The following B4GALNT1 variants were observed in gnomAD, a reference collection of about 807,000 sequenced individuals.
The protein encoded by B4GALNT1 is beta-1,4 N-acetylgalactosaminyltransferase 1.
B4GALNT1 carries 43 observed loss-of-function variants against 55.2 expected under a neutral mutation model. The ratio of observed to expected loss-of-function variants is 0.78; its 90% CI spans 0.61 to 1.00. B4GALNT1 has a LOEUF of 1.00. Among genes scored for constraint, B4GALNT1 ranks in the 50% least tolerant of loss-of-function variants. The pLI is 0.00. For synonymous variants in B4GALNT1, 305 were observed against 311.6 expected (o/e 0.98, Z 0.22); for missense variants, 664 against 729.7 (o/e 0.91, Z 1.04).
Position 57,627,696 on chromosome 12 carries a change from C to A in B4GALNT1, c.1306G>T (p.Val436Phe). 1.2e-6 allele frequency: 2 copies of A among 1,612,346 alleles called. No homozygotes were observed. The highest frequency in any genetic ancestry group is 1.7e-6 in the Non-Finnish European group (2 of 1,179,068). ...FPGCVVTDGV[V>F]NFFLARTDKV... ...TCAGTCCGCGCCAGGAAGAAGTTAACCACGCCGTCGGTGACCACGCAGCCT... is the reference window on the plus strand; with the variant it reads ...TCAGTCCGCGCCAGGAAGAAGTTAAACACGCCGTCGGTGACCACGCAGCCT... The change falls in exon 10 of 11, where the codon GTT becomes TTT. Residue 436 changes from valine to phenylalanine, a missense_variant. Coordinates refer to ENST00000341156, the MANE Select transcript of B4GALNT1 (RefSeq NM_001478.5).
chr12:57,628,935 C>A (rs1885025643), intron 7 of B4GALNT1, 32 bp from the exon 8 acceptor site: 2 of 1,613,332 alleles, frequency 1.2e-6, no homozygotes, highest in Non-Finnish European at 8.5e-7. Context: ...TGGGTGCAGA[C>A]AAGGAGGGTT....
At position 57,630,273 on chromosome 12, in the gene B4GALNT1, A is replaced by C. The variant is rs946094090; in HGVS notation, c.591T>G (p.Thr197=). ...GATCTGCCTGACCCTCTCCAGTGAG[A>C]GTAACTCCAGTCACTTCCCCTGCCA... is the stretch of plus-strand genomic sequence containing the variant. ...WDVAGEVTGV[T]LTGEGQADLT... is the part of the protein sequence containing the mutation. The change falls in exon 6 of 11, where the codon ACT becomes ACG. Residue 197 remains threonine, a synonymous_variant. Transcript: ENST00000341156. 2 of 1,614,170 alleles carry C rather than the reference A, an allele frequency of 1.2e-6. No individual in the cohort carries two copies. Among genetic ancestry groups the C allele is most frequent in the Admixed American group, 3.3e-5 (2 of 60,014 alleles).
At position 57,629,120 on chromosome 12, in the gene B4GALNT1, C is replaced by T; in HGVS notation, c.739G>A (p.Ala247Thr). 1 of 1,597,008 alleles carries T rather than the reference C, an allele frequency of 6.3e-7. No individual in the cohort carries two copies. Residue 247 changes from alanine (A) to threonine (T), a missense_variant, in exon 7 of 11, where the codon GCT (alanine) becomes ACT (threonine). Physicochemically the swap from Ala to Thr is moderately conservative, Grantham distance 58. Coordinates refer to ENST00000341156, the MANE Select transcript of B4GALNT1 (RefSeq NM_001478.5). ...TGTCTTATGCGGATAGTGAAAGCAG[C>T]CTCATGTCCCTCGGTGGAGAACCGG... ...TVRFSTEGHE[A>T]AFTIRIRHPP...
At position 57,628,843 on chromosome 12, in the gene B4GALNT1, C is replaced by T. The variant is rs1040053376; in HGVS notation, c.872G>A (p.Arg291Gln). 16 of 1,614,066 alleles carry T rather than the reference C, an allele frequency of 9.9e-6. No individual in the cohort carries two copies. Among genetic ancestry groups the T allele is most frequent in the East Asian group, 4.5e-5 (2 of 44,874 alleles). Reference sequence around the variant, plus strand: ...GATACTGGTGATGAGAGCCCGTAGCCGATCATAACGGAGGAAGGTCTTGGT... The same window carrying T: ...GATACTGGTGATGAGAGCCCGTAGCTGATCATAACGGAGGAAGGTCTTGGT... Reference protein sequence around the residue: ...IATKTFLRYDRLRALITSIRR... With the variant: ...IATKTFLRYDQLRALITSIRR... Residue 291 changes from arginine (R) to glutamine (Q), a missense_variant, in exon 8 of 11, where the codon CGG becomes CAG. Physicochemically the swap from Arg to Gln is conservative, Grantham distance 43. Transcript: ENST00000341156.
Position 57,624,067 on chromosome 12 carries a change from C to A in B4GALNT1, c.*2677G>T. 1 of 1,613,860 alleles carries A rather than the reference C, an allele frequency of 6.2e-7. No individual in the cohort carries two copies. Among genetic ancestry groups the A allele is most frequent in the South Asian group, 1.1e-5 (1 of 91,028 alleles). On this transcript the variant is annotated 3_prime_UTR_variant, in exon 11 of 11. Transcript: ENST00000341156. ...GTGTTCTGCCAGATGCAGGAACTTC[C>A]ACAACTATGGCACATCAGCCGAGTG...
rs1239880321 is a variant in B4GALNT1 at position 57,627,698 on chromosome 12, A to G, written c.1304T>C (p.Val435Ala). The change falls in exon 10 of 11, where the codon GTG becomes GCG. Residue 435 changes from valine (V) to alanine (A), a missense_variant. Transcript: ENST00000341156. ...GFPGCVVTDG[V>A]VNFFLARTDK... The stretch of plus-strand genomic sequence containing the variant: ...AGTCCGCGCCAGGAAGAAGTTAACC[A>G]CGCCGTCGGTGACCACGCAGCCTGG... The G allele has an allele frequency of 6.8e-6, 11 of 1,611,970 alleles. No individual in the cohort carries two copies. Among genetic ancestry groups the G allele is most frequent in the African/African-American group, 2.7e-5 (2 of 74,866 alleles).
rs1452886103 is a variant in B4GALNT1, at chr12:57,624,738, C to T, written c.*2006G>A. The stretch of plus-strand genomic sequence containing the variant: ...TTCTTCCCTAGGGTGTAGTGCCTGG[C>T]ACTTGGACAGGCTGAGGGGACAGAG... On this transcript the variant is annotated 3_prime_UTR_variant, in exon 11 of 11. Transcript: ENST00000341156. 2.3e-6 allele frequency: 2 copies of T among 888,318 alleles called. No individual in the cohort carries two copies. Among genetic ancestry groups the T allele is most frequent in the South Asian group, 1.3e-5 (1 of 75,868 alleles). 55.0% of individuals were successfully genotyped at this position (888,318 alleles called of 1,614,324 possible). A position where few individuals can be genotyped will look rare whatever the true frequency, so the allele number is the denominator to read the frequency against.
chr12:57,631,811 C>A (rs1885228829), intron 2 of B4GALNT1, 104 bp downstream of exon 2: 1 of 1,162,292 alleles, frequency 8.6e-7, no homozygotes, highest in Non-Finnish European at 1.1e-6. Context: ...CTCCACACAG[C>A]CCGTTAGGAG....
rs1412377068 is a variant in B4GALNT1 at position 57,628,059 on chromosome 12, C to CG, written c.1143+62dup. 1.9e-6 allele frequency: 3 copies of CG among 1,590,490 alleles called. No individual in the cohort carries two copies. In the East Asian group the frequency reaches 6.7e-5, roughly 36 times the overall value. The stretch of plus-strand genomic sequence containing the variant: ...TGGCCGTTCCTGGCCGCAGCGCCCC[C>CG]GCTGTGGCCTTAGCCTGTTCAAGGC... On this transcript the variant is annotated intron_variant, in intron 9 of 10. Transcript: ENST00000341156.
rs767768866 is a variant in B4GALNT1, at chr12:57,626,932, G to A, written c.1414C>T (p.Arg472Trp). Residue 472 changes from arginine (R) to tryptophan (W), a missense_variant, in exon 11 of 11, where the codon CGG becomes TGG. Coordinates refer to ENST00000341156, the MANE Select transcript of B4GALNT1 (RefSeq NM_001478.5). ...ACGACGTCGGAGCAGGAGCCAACCC[G>A]AAGGGAACCAAGCCCATCCAAGAAG... is the stretch of plus-strand genomic sequence containing the variant. ...EFFLDGLGSL[R>W]VGSCSDVVVD... 11 of 1,614,028 alleles carry A rather than the reference G, an allele frequency of 6.8e-6. No homozygotes were observed. The highest frequency in any genetic ancestry group is 3.3e-5 in the South Asian group (3 of 91,076).
At chr12:57,632,567 G>T in intron 1 of B4GALNT1, 1 of 248,262 alleles carries the variant, frequency 4.0e-6, no homozygotes, top group Non-Finnish European at 8.0e-6. Flanking sequence ...TGCGGAGGGC[G>T]GCTCCACACC....
At position 57,625,506 on chromosome 12, in the gene B4GALNT1, T is replaced by G; in HGVS notation, c.*1238A>C. On this transcript the variant is annotated 3_prime_UTR_variant, in exon 11 of 11. Coordinates refer to ENST00000341156, the MANE Select transcript of B4GALNT1 (RefSeq NM_001478.5). ...AGAGCGGGGCCCAGTGCCTGGGCAA[T>G]GACTGGACACCTGCGGTAGGGAAAA... is the stretch of plus-strand genomic sequence containing the variant. 6.2e-7 allele frequency: 1 copy of G among 1,614,000 alleles called. No individual in the cohort carries two copies. Among genetic ancestry groups the G allele is most frequent in the Non-Finnish European group, 8.5e-7 (1 of 1,179,914 alleles).
chr12:57,626,470 C>T lies in B4GALNT1; in HGVS notation c.*274G>A. The T allele has an allele frequency of 2.0e-6, 1 of 501,896 alleles. No individual in the cohort carries two copies. Among genetic ancestry groups the T allele is most frequent in the East Asian group, 3.6e-5 (1 of 27,898 alleles). The allele number at this position is 501,896 out of a possible 1,614,324, so 31.1% of individuals were successfully genotyped here. On this transcript the variant is annotated 3_prime_UTR_variant, in exon 11 of 11. Transcript: ENST00000341156. ...CTCTTTGGCACTTGGAAAGTGATCCCCCCATTTCCTGCCCCATGAGAATGG... is the reference window on the plus strand; with the variant it reads ...CTCTTTGGCACTTGGAAAGTGATCCTCCCATTTCCTGCCCCATGAGAATGG...
rs202231637 is a variant in B4GALNT1 at position 57,628,180 on chromosome 12, G to C, written c.1085C>G (p.Thr362Arg). 1.2e-6 allele frequency: 2 copies of C among 1,614,250 alleles called. No individual in the cohort carries two copies. Among genetic ancestry groups the C allele is most frequent in the Non-Finnish European group, 1.7e-6 (2 of 1,180,042 alleles). ...VLWVDDDFVF[T>R]ARTRLERLVD... ...AAGCCTCTCCAGCCGCGTCCGCGCC[G>C]TGAAGACGAAGTCGTCGTCCACCCA... Residue 362 changes from threonine to arginine, a missense_variant, in exon 9 of 11, where the codon ACG becomes AGG. Coordinates refer to ENST00000341156, the MANE Select transcript of B4GALNT1 (RefSeq NM_001478.5).
intron 3 of B4GALNT1, 38 bp from the exon 4 acceptor site, chr12:57,631,124 G>T (rs377491592): frequency 6.2e-7 from 1 of 1,607,258 alleles, no homozygotes; most frequent in South Asian, 1.1e-5. Context: ...GCAGAGTCGG[G>T]GGGAGAGGGT....
rs1884736597 is a variant in B4GALNT1, at chr12:57,625,399, C to G, written c.*1345G>C. Reference sequence around the variant, plus strand: ...GATCTGGGACTTAACCCCTTTGCCCCATCCCTGCAGCTGGCCAGCCGATGT... The same window carrying G: ...GATCTGGGACTTAACCCCTTTGCCCGATCCCTGCAGCTGGCCAGCCGATGT... On this transcript the variant is annotated 3_prime_UTR_variant, in exon 11 of 11. Transcript: ENST00000341156. 1.9e-6 allele frequency: 3 copies of G among 1,614,164 alleles called. No homozygotes were observed. The highest frequency in any genetic ancestry group is 2.5e-6 in the Non-Finnish European group (3 of 1,180,036).
In B4GALNT1 at chr12:57,624,134, C is replaced by T. The variant is rs1884644591; in HGVS notation, c.*2610G>A. The T allele has an allele frequency of 6.2e-7, 1 of 1,601,142 alleles. No homozygotes were observed. The highest frequency in any genetic ancestry group is 8.5e-7 in the Non-Finnish European group (1 of 1,169,868). ...CCATTACCCCCAGATTGCCCCCTCTCATCTTGTTAGCATCCCCAGCCTCTG... is the reference window on the plus strand; with the variant it reads ...CCATTACCCCCAGATTGCCCCCTCTTATCTTGTTAGCATCCCCAGCCTCTG... On this transcript the variant is annotated 3_prime_UTR_variant, in exon 11 of 11. Coordinates refer to ENST00000341156, the MANE Select transcript of B4GALNT1 (RefSeq NM_001478.5).
chr12:57,624,163 T>C lies in B4GALNT1; in HGVS notation c.*2581A>G, dbSNP rs1355317094. ...TTGTTAGCATCCCCAGCCTCTGCCC[T>C]GAACCAAACCTAATTGTCCTGGTCT... On this transcript the variant is annotated 3_prime_UTR_variant, in exon 11 of 11. Transcript: ENST00000341156. 3 of 1,495,362 alleles carry C rather than the reference T, an allele frequency of 2.0e-6. No individual in the cohort carries two copies. Among genetic ancestry groups the C allele is most frequent in the Non-Finnish European group, 2.8e-6 (3 of 1,088,100 alleles). The allele number at this position is 1,495,362 out of a possible 1,614,324, so 92.6% of individuals were successfully genotyped here.
chr12:57,632,677 A>T (rs1162552272), intron 1 of B4GALNT1, 95 bp downstream of exon 1: 1 of 183,450 alleles, frequency 5.5e-6, no homozygotes, highest in Non-Finnish European at 1.1e-5. Context: ...CGGGGGACAG[A>T]GTGGACCGGG....
Sources: allele counts gnomAD v4.1 joint callset, GRCh38; gene constraint gnomAD v4.1.1; transcripts MANE v1.5; gene names NCBI Gene and HGNC (gene_info 2026-07-23, HGNC 2026-07-21).